Variants in ABCA13 observed in about 807,000 individuals in gnomAD.
ABCA13 encodes ATP-binding cassette sub-family A member 13.
A neutral mutation model predicts 478.7 loss-of-function variants in ABCA13; 476 were observed. The observed-to-expected ratio is 0.99, with a 90% CI of 0.92 to 1.07. The LOEUF (loss-of-function observed/expected upper bound fraction) is 1.07. Ranked by LOEUF, ABCA13 falls within the 50% of genes least tolerant of loss-of-function variation. The pLI is 0.00. For synonymous variants in ABCA13, 2,252 were observed against 2,158.9 expected, an observed-to-expected ratio of 1.04 and a Z score of -1.20; for missense variants, 6,060 against 5,910.6, an observed-to-expected ratio of 1.03 and a Z score of -0.83.
intron 59 of ABCA13, among the ~76,000 whole-genome samples, chr7:48,622,831 C>A (rs577837335): frequency 6.6e-6 from 1 of 152,256 alleles, no homozygotes; most frequent in South Asian, 2.1e-4. Context: ...TATTACCCTT[C>A]ATCTTATAGG....
chr7:48,233,093 A>G (rs571229087), intron 7 of ABCA13, among the ~76,000 whole-genome samples: 81 of 152,220 alleles, frequency 5.3e-4, no homozygotes, highest in Non-Finnish European at 9.9e-4. Flanking sequence ...AAAATCTTGT[A>G]TTTCTGGGAT....
intron 60 of ABCA13, among the ~76,000 whole-genome samples, chr7:48,643,891 C>T (rs1043580525): frequency 7.9e-5 from 12 of 152,210 alleles, no homozygotes; most frequent in South Asian, 6.2e-4. Flanking sequence ...GAATCACAGG[C>T]CCCAACCTAT....
intron 49 of ABCA13, 79 bp from the exon 50 acceptor site, chr7:48,507,793 C>G: frequency 6.9e-7 from 1 of 1,450,856 alleles, no homozygotes; most frequent in Non-Finnish European, 9.2e-7. Flanking sequence ...TCACTGCTGT[C>G]ATCATTGCTG....
intron 1 of ABCA13, among the ~76,000 whole-genome samples, chr7:48,173,940 C>T (rs1479902200): frequency 1.3e-5 from 2 of 152,158 alleles, no homozygotes; most frequent in African/African-American, 4.8e-5. Flanking sequence ...GGAGAGGAGG[C>T]ACAGGGTAAC....
Position 48,205,905 on chromosome 7 carries a change from A to G in ABCA13, c.287+7545A>G, listed in dbSNP as rs186592966. On this transcript the variant is annotated intron_variant, in intron 3 of 61. Coordinates refer to ENST00000435803, the MANE Select transcript of ABCA13 (RefSeq NM_152701.5). ...TTTATTGATCTATACAATAACATTT[A>G]AGAGTACATTTCAATGAATTTGACA... Among the ~76,000 whole-genome samples, 5 of 152,300 alleles carry G rather than the reference A, an allele frequency of 3.3e-5. No individual in the cohort carries two copies. In the East Asian group the frequency reaches 9.6e-4, roughly 29 times the overall value.
chr7:48,609,145 A>G (rs940472764), intron 58 of ABCA13, among the ~76,000 whole-genome samples: 1 of 152,192 alleles, frequency 6.6e-6, no homozygotes, highest in African/African-American at 2.4e-5. Flanking sequence ...TGGCATGAGA[A>G]CATGAGCCTT....
chr7:48,400,935 G>A (rs1325927103), intron 38 of ABCA13, among the ~76,000 whole-genome samples: 1 of 152,204 alleles, frequency 6.6e-6, no homozygotes. Flanking sequence ...GACATAATAA[G>A]TAAAGGGGCT....
intron 48 of ABCA13, among the ~76,000 whole-genome samples, chr7:48,494,710 G>A (rs777537820): frequency 1.4e-4 from 21 of 152,286 alleles, no homozygotes; most frequent in Non-Finnish European, 1.0e-4. Flanking sequence ...AGAGGAAAAT[G>A]TGTGAACCCT....
In ABCA13 at chr7:48,246,353, T is replaced by TCC. The variant is rs566014318; in HGVS notation, c.1659+324_1659+325insCC. 5.3e-4 allele frequency among the ~76,000 whole-genome samples: 81 copies of TCC among 152,200 alleles called. 2 individuals are homozygous for TCC. In the South Asian group the frequency reaches 0.016, roughly 31 times the overall value. On this transcript the variant is annotated intron_variant, in intron 13 of 61. Transcript: ENST00000435803. ...ACATGCTAAGAAAAGCAGAGGAGTC[T>TCC]CTGGTGATTAGTCAATCCCAGCAAA...
chr7:48,381,697 C>G (rs934629081), intron 35 of ABCA13, among the ~76,000 whole-genome samples: 2 of 152,172 alleles, frequency 1.3e-5, no homozygotes, highest in African/African-American at 4.8e-5. Context: ...TCATTGACCT[C>G]TTCTTTTATC....
intron 41 of ABCA13, among the ~76,000 whole-genome samples, chr7:48,420,621 A>G (rs1354527153): frequency 6.6e-6 from 1 of 151,794 alleles, no homozygotes; most frequent in East Asian, 1.9e-4. Context: ...TTCCCTTTGT[A>G]CCTTTGCCAA....
intron 32 of ABCA13, among the ~76,000 whole-genome samples, chr7:48,371,787 T>C (rs1006351966): frequency 6.6e-6 from 1 of 152,198 alleles, no homozygotes; most frequent in African/African-American, 2.4e-5. Context: ...TATTTCTTTC[T>C]CTTGTCTATT....
At chr7:48,468,545 A>G (rs1240696638) in intron 44 of ABCA13, among the ~76,000 whole-genome samples, 3 of 152,212 alleles carry the variant, frequency 2.0e-5, no homozygotes, top group African/African-American at 7.2e-5. Context: ...TATTAATAAT[A>G]ATTTATGTCC....
At chr7:48,433,098 TAAAC>T (rs968851021) in intron 42 of ABCA13, among the ~76,000 whole-genome samples, 5 of 151,728 alleles carry the variant, frequency 3.3e-5, no homozygotes, top group African/African-American at 4.8e-5. Context: ...ACTATAATAA[TAAAC>T]AAATAATAGT....
At chr7:48,445,296 A>T (rs1824148596) in intron 42 of ABCA13, among the ~76,000 whole-genome samples, 1 of 152,188 alleles carries the variant, frequency 6.6e-6, no homozygotes. Flanking sequence ...GGCATGAGCC[A>T]CTGTGCCCGG....
At chr7:48,582,356 CTG>C (rs1788784750) in intron 56 of ABCA13, among the ~76,000 whole-genome samples, 1 of 152,132 alleles carries the variant, frequency 6.6e-6, no homozygotes, top group East Asian at 1.9e-4. Context: ...GAAGTGGAAA[CTG>C]TGTGGGGTTA....
chr7:48,505,942 GA>G (rs1831166265), intron 48 of ABCA13, among the ~76,000 whole-genome samples: 1 of 152,174 alleles, frequency 6.6e-6, no homozygotes, highest in Non-Finnish European at 1.5e-5. Context: ...GCTTGATCTA[GA>G]GGTGAATATT....
intron 42 of ABCA13, among the ~76,000 whole-genome samples, chr7:48,446,229 T>A (rs1372741315): frequency 6.6e-6 from 1 of 152,134 alleles, no homozygotes; most frequent in Non-Finnish European, 1.5e-5. Flanking sequence ...GCACCCCAAG[T>A]TCCTTGATTT....
rs1247936147 is a variant in ABCA13 at position 48,435,858 on chromosome 7, TA to T, written c.12565+7990del. On this transcript the variant is annotated intron_variant, in intron 42 of 61. Transcript: ENST00000435803. ...TTGACTCATCCTTGCCTTTCAGGAA[TA>T]AATCCTCCCTTGTCATGATGTGTAA... Among the ~76,000 whole-genome samples, 931 of 151,852 alleles carry T rather than the reference TA, an allele frequency of 6.1e-3. 10 individuals are homozygous for T. The highest frequency in any genetic ancestry group is 0.022 in the African/African-American group (894 of 41,544).
Sources: allele counts gnomAD v4.1 joint callset (sites outside exome capture counted in the v4.1 genomes callset), GRCh38; gene constraint gnomAD v4.1.1; transcripts MANE v1.5; gene names NCBI Gene and HGNC (gene_info 2026-07-23, HGNC 2026-07-21).